PLXNA4: variants seen among roughly 807,000 people sequenced by gnomAD.
The protein encoded by PLXNA4 is plexin-A4.
Under a neutral mutation model 191.8 loss-of-function variants are expected in PLXNA4, and 44 were observed. The ratio of observed to expected loss-of-function variants is 0.23; its 90% CI spans 0.18 to 0.29. The LOEUF is 0.29. PLXNA4 is among the 10% of genes least tolerant of loss of function. PLXNA4 has a pLI of 1.00. For synonymous variants in PLXNA4, 1,082 were observed against 1,009.5 expected, an observed-to-expected ratio of 1.07 and a Z score of -1.36; for missense variants, 1,800 against 2,488.8, an observed-to-expected ratio of 0.72 and a Z score of 5.89.
intron 29 of PLXNA4, among the ~76,000 whole-genome samples, chr7:132,141,317 A>G (rs1169885224): frequency 6.6e-6 from 1 of 151,780 alleles, no homozygotes; most frequent in Non-Finnish European, 1.5e-5. Flanking sequence ...CTCTCAGCCT[A>G]CTCCTACTGG....
chr7:132,499,993 C>T (rs1161649365), intron 2 of PLXNA4, among the ~76,000 whole-genome samples: 6 of 152,164 alleles, frequency 3.9e-5, no homozygotes, highest in Non-Finnish European at 8.8e-5. Flanking sequence ...AGAGCTCTCT[C>T]AGTTGTCTCT....
chr7:132,366,845 T>A (rs1171548874), intron 3 of PLXNA4, among the ~76,000 whole-genome samples: 1 of 152,198 alleles, frequency 6.6e-6, no homozygotes, highest in African/African-American at 2.4e-5. Context: ...CATTGCAGCT[T>A]CAAACTCTTG....
chr7:132,159,500 G>A lies in PLXNA4; in HGVS notation c.4633C>T (p.Arg1545Trp), dbSNP rs777611144. The change falls in exon 25 of 32, where the codon CGG becomes TGG. Residue 1545 changes from arginine to tryptophan, a missense_variant. By Grantham distance (101) the Arg-to-Trp change is moderately radical. Coordinates refer to ENST00000321063, the MANE Select transcript of PLXNA4 (RefSeq NM_020911.2). Reference sequence around the variant, plus strand: ...AGATCCATATCTGCAGCTTTGGGCCGGTGGGAGCAAGGCACATTCTTGAAG... The same window carrying A: ...AGATCCATATCTGCAGCTTTGGGCCAGTGGGAGCAAGGCACATTCTTGAAG... ...AIFKNVPCSH[R>W]PKAADMDLEW... 2.7e-5 allele frequency: 44 copies of A among 1,614,022 alleles called. No homozygotes were observed. The highest frequency in any genetic ancestry group is 1.5e-4 in the Admixed American group (9 of 60,006).
chr7:132,145,714 C>T (rs137933273), intron 28 of PLXNA4, among the ~76,000 whole-genome samples: 1 of 152,122 alleles, frequency 6.6e-6, no homozygotes, highest in Non-Finnish European at 1.5e-5. Context: ...CAGAGCTGAG[C>T]CCAGTCTCAG....
rs138599452 is a variant in PLXNA4 at position 132,490,246 on chromosome 7, G to T, written c.1189-772C>A. ...GCCATCCATGGAAACCCAGGTCCCC[G>T]ATATGCTCTACAGATAAAAGGGCTC... On this transcript the variant is annotated intron_variant, in intron 2 of 31. Coordinates refer to ENST00000321063, the MANE Select transcript of PLXNA4 (RefSeq NM_020911.2). Among the ~76,000 whole-genome samples, 11 of 152,214 alleles carry T rather than the reference G, an allele frequency of 7.2e-5. No individual in the cohort carries two copies. The South Asian group carries it at 2.3e-3, about 32-fold the overall frequency.
At chr7:132,202,893 G>A in intron 11 of PLXNA4, 57 bp from the exon 12 acceptor site, 3 of 1,439,290 alleles carry the variant, frequency 2.1e-6, no homozygotes, top group Non-Finnish European at 2.8e-6. Context: ...GGGGACAGAA[G>A]GGGCCCAGAG....
chr7:132,531,398 C>G (rs912009606), intron 1 of PLXNA4, among the ~76,000 whole-genome samples: 2 of 152,182 alleles, frequency 1.3e-5, no homozygotes, highest in Non-Finnish European at 2.9e-5. Flanking sequence ...CATGAATTAC[C>G]TATTCTATTT....
At chr7:132,379,272 C>T (rs1439107040) in intron 3 of PLXNA4, among the ~76,000 whole-genome samples, 1 of 152,142 alleles carries the variant, frequency 6.6e-6, no homozygotes, top group African/African-American at 2.4e-5. Flanking sequence ...TGGCTGTGTA[C>T]TATGGGAATG....
At chr7:132,562,791 TCCA>T (rs1801289873) in intron 1 of PLXNA4, among the ~76,000 whole-genome samples, 1 of 89,972 alleles carries the variant, frequency 1.1e-5, no homozygotes, top group Admixed American at 1.0e-4. Flanking sequence ...CTCTTCTTTC[TCCA>T]CCTCCTCCTT....
At chr7:132,501,409 CT>C (rs1395128141) in intron 2 of PLXNA4, among the ~76,000 whole-genome samples, 2 of 152,310 alleles carry the variant, frequency 1.3e-5, no homozygotes, top group African/African-American at 4.8e-5. Flanking sequence ...TCAAACCTGA[CT>C]TTGTGCTAAG....
At position 132,125,059 on chromosome 7, in the gene PLXNA4, G is replaced by C. The variant is rs536196887; in HGVS notation, c.*5420C>G. 6.6e-6 allele frequency: 1 copy of C among 151,854 alleles called. No homozygotes were observed. The highest frequency in any genetic ancestry group is 2.4e-5 in the African/African-American group (1 of 41,334). The allele number at this position is 151,854 out of a possible 1,614,324, so 9.4% of individuals were successfully genotyped here. A position where few individuals can be genotyped will look rare whatever the true frequency, so the allele number is the denominator to read the frequency against. On this transcript the variant is annotated 3_prime_UTR_variant, in exon 32 of 32. Coordinates refer to ENST00000321063, the MANE Select transcript of PLXNA4 (RefSeq NM_020911.2). ...AGTAAAAAAAAAAAAACTCTCTCTT[G>C]CATGTCTGAAACTTTTACTGCAGTG...
chr7:132,336,801 T>A (rs1300291019), intron 3 of PLXNA4, among the ~76,000 whole-genome samples: 1 of 152,266 alleles, frequency 6.6e-6, no homozygotes, highest in Non-Finnish European at 1.5e-5. Flanking sequence ...TTTCTCATTG[T>A]TCTGTGAATG....
At chr7:132,221,930 C>T (rs1260810827) in intron 9 of PLXNA4, among the ~76,000 whole-genome samples, 1 of 152,182 alleles carries the variant, frequency 6.6e-6, no homozygotes, top group Non-Finnish European at 1.5e-5. Flanking sequence ...TCCAGCTTTC[C>T]AGACTAGTGT....
chr7:132,189,040 G>GAGAGAGAGAGAGAGAGAGAGAGAGAA (rs1797004145), intron 14 of PLXNA4, among the ~76,000 whole-genome samples: 1 of 76,588 alleles, frequency 1.3e-5, no homozygotes, highest in African/African-American at 8.2e-5. Context: ...AAGAGAGAGA[G>GAGAGAGAGAGAGAGAGAGAGAGAGAA]AGAGAGAGAG....
At chr7:132,413,777 T>C (rs144319072) in intron 3 of PLXNA4, among the ~76,000 whole-genome samples, 3 of 152,314 alleles carry the variant, frequency 2.0e-5, no homozygotes, top group Admixed American at 6.5e-5. Flanking sequence ...CCATATATTA[T>C]GGAATCTACA....
At chr7:132,471,210 A>G (rs1796921589) in intron 3 of PLXNA4, among the ~76,000 whole-genome samples, 1 of 152,042 alleles carries the variant, frequency 6.6e-6, no homozygotes, top group Non-Finnish European at 1.5e-5. Flanking sequence ...CATGACTGTA[A>G]GCTTCCTGAG....
intron 4 of PLXNA4, among the ~76,000 whole-genome samples, chr7:132,264,992 C>T (rs1475263615): frequency 6.6e-6 from 1 of 152,196 alleles, no homozygotes; most frequent in African/African-American, 2.4e-5. Flanking sequence ...CTGCACCCAG[C>T]CCTGTCTGTC....
At chr7:132,594,949 A>T (rs1364886294) in intron 2 of PLXNA4, among the ~76,000 whole-genome samples, 6 of 131,598 alleles carry the variant, frequency 4.6e-5, no homozygotes, top group African/African-American at 1.7e-4. Flanking sequence ...ATAGATAGAT[A>T]GATAGATAGA....
intron 3 of PLXNA4, among the ~76,000 whole-genome samples, chr7:132,420,428 C>G (rs1159592750): frequency 6.6e-6 from 1 of 152,174 alleles, no homozygotes; most frequent in Non-Finnish European, 1.5e-5. Flanking sequence ...TGGGCTCATC[C>G]TCTGGTGCTC....
Sources: allele counts gnomAD v4.1 joint callset (sites outside exome capture counted in the v4.1 genomes callset), GRCh38; gene constraint gnomAD v4.1.1; transcripts MANE v1.5; gene names NCBI Gene and HGNC (gene_info 2026-07-23, HGNC 2026-07-21).